The following GPBP1 variants were observed in gnomAD, a reference collection of about 807,000 sequenced individuals.
GPBP1 encodes the protein vasculin.
In GPBP1, 13 loss-of-function variants were observed where a neutral mutation model predicts 56.5. The observed-to-expected ratio is 0.23, with a 90% CI of 0.15 to 0.37. The LOEUF is 0.37. Among genes scored for constraint, GPBP1 ranks in the 10% least tolerant of loss-of-function variants. The pLI, the probability that GPBP1 is intolerant of heterozygous loss-of-function variation, is 1.00. For synonymous variants in GPBP1, 204 were observed against 188.9 expected (o/e 1.08, Z -0.66); for missense variants, 477 against 572.3 (o/e 0.83, Z 1.70).
At chr5:57,182,966 A>G (rs992006033) in intron 2 of GPBP1, among the ~76,000 whole-genome samples, 1 of 152,228 alleles carries the variant, frequency 6.6e-6, no homozygotes, top group Non-Finnish European at 1.5e-5. Context: ...TACAGGCATG[A>G]GCCACTGCGT....
chr5:57,240,506 A>G (rs1341141680), intron 6 of GPBP1, among the ~76,000 whole-genome samples: 6 of 152,222 alleles, frequency 3.9e-5, no homozygotes, highest in Admixed American at 1.3e-4. Flanking sequence ...TGCCACAGGA[A>G]CAATTTCCAT....
At chr5:57,234,983 CAT>C (rs1019947222) in intron 5 of GPBP1, among the ~76,000 whole-genome samples, 13 of 151,994 alleles carry the variant, frequency 8.6e-5, no homozygotes, top group East Asian at 1.9e-4. Context: ...AGATAATAAA[CAT>C]GTGTTGCTAT....
chr5:57,263,024 T>C lies in GPBP1; in HGVS notation c.*272T>C, dbSNP rs1234462645. 1 of 280,058 alleles carries C rather than the reference T, an allele frequency of 3.6e-6. No homozygotes were observed. The highest frequency in any genetic ancestry group is 2.2e-5 in the African/African-American group (1 of 45,726). The allele number at this position is 280,058 out of a possible 1,614,324, so 17.3% of individuals were successfully genotyped here. A position where few individuals can be genotyped will look rare whatever the true frequency, so the allele number is the denominator to read the frequency against. On this transcript the variant is annotated 3_prime_UTR_variant, in exon 12 of 12. Coordinates refer to ENST00000506184, the MANE Select transcript of GPBP1 (RefSeq NM_022913.4). The stretch of plus-strand genomic sequence containing the variant: ...TGCAACATTTCTCTGACTAGCAATG[T>C]GACGATGTAACAAATGAGATTTTCT...
At chr5:57,252,438 C>T (rs1468147312) in intron 10 of GPBP1, among the ~76,000 whole-genome samples, 4 of 152,080 alleles carry the variant, frequency 2.6e-5, no homozygotes, top group African/African-American at 4.8e-5. Flanking sequence ...TCACCCAGGC[C>T]GGAGTGCAGT....
At chr5:57,258,603 G>A (rs539220824) in intron 10 of GPBP1, among the ~76,000 whole-genome samples, 2 of 152,254 alleles carry the variant, frequency 1.3e-5, no homozygotes, top group Middle Eastern at 3.4e-3. Context: ...GCACATGTTT[G>A]TATGTTTAGG....
intron 2 of GPBP1, among the ~76,000 whole-genome samples, chr5:57,213,042 A>C (rs1755557486): frequency 6.6e-6 from 1 of 150,910 alleles, no homozygotes; most frequent in South Asian, 2.1e-4. Flanking sequence ...TAAAGATTTG[A>C]GTATATGTCT....
chr5:57,237,333 A>G, intron 6 of GPBP1: 3 of 631,694 alleles, frequency 4.7e-6, no homozygotes, highest in South Asian at 1.9e-5. Flanking sequence ...AGCGTTTGTC[A>G]TATAAAACTA....
chr5:57,206,649 C>T (rs1292443889), intron 2 of GPBP1, among the ~76,000 whole-genome samples: 1 of 152,214 alleles, frequency 6.6e-6, no homozygotes, highest in Non-Finnish European at 1.5e-5. Context: ...GCTGGAATTA[C>T]AGGCGTGAGC....
At chr5:57,251,953 C>A (rs1741412551) in intron 10 of GPBP1, among the ~76,000 whole-genome samples, 1 of 152,154 alleles carries the variant, frequency 6.6e-6, no homozygotes, top group South Asian at 2.1e-4. Context: ...GGCCATTTAT[C>A]CTCTTAGGAG....
chr5:57,259,459 A>G (rs1044823251), intron 10 of GPBP1, among the ~76,000 whole-genome samples: 2 of 152,206 alleles, frequency 1.3e-5, no homozygotes, highest in East Asian at 1.9e-4. Context: ...GATAAAAACT[A>G]TTAACTCTGT....
chr5:57,233,029 A>T (rs1756525162), intron 5 of GPBP1, among the ~76,000 whole-genome samples: 1 of 152,182 alleles, frequency 6.6e-6, no homozygotes, highest in South Asian at 2.1e-4. Flanking sequence ...ATTTTGGTTT[A>T]ATTACAAGGT....
rs141805037 is a variant in GPBP1 at position 57,176,613 on chromosome 5, C to G, written c.-58+213C>G. On this transcript the variant is annotated intron_variant, in intron 2 of 11. Coordinates refer to ENST00000506184, the MANE Select transcript of GPBP1 (RefSeq NM_022913.4). ...TTAAGGCTTAGGAACTTTTCAGATT[C>G]AAACAGTCCTAAGCTACAAGTTTTT... Among the ~76,000 whole-genome samples, 702 of 152,294 alleles carry G rather than the reference C, an allele frequency of 4.6e-3. 8 individuals carry two copies. Among genetic ancestry groups the G allele is most frequent in the African/African-American group, 0.016 (662 of 41,574 alleles).
At chr5:57,225,619 T>C (rs1756153369) in intron 3 of GPBP1, among the ~76,000 whole-genome samples, 2 of 151,978 alleles carry the variant, frequency 1.3e-5, no homozygotes, top group African/African-American at 4.8e-5. Context: ...ACCAATTTCA[T>C]GGCTGTGGAG....
chr5:57,237,144 C>G, intron 6 of GPBP1: 1 of 1,549,622 alleles, frequency 6.5e-7, no homozygotes, highest in African/African-American at 1.4e-5. Flanking sequence ...CATACCCAAC[C>G]AAAAAAATCT....
At chr5:57,210,245 TA>T (rs1452048161) in intron 2 of GPBP1, among the ~76,000 whole-genome samples, 1 of 152,246 alleles carries the variant, frequency 6.6e-6, no homozygotes, top group Non-Finnish European at 1.5e-5. Flanking sequence ...ACTTAGGTTT[TA>T]TTTTTTTCAG....
In GPBP1 at chr5:57,202,591, AT is replaced by A. The variant is rs546232314; in HGVS notation, c.-57-11473del. 7.7e-3 allele frequency among the ~76,000 whole-genome samples: 1,163 copies of A among 150,240 alleles called. 7 individuals are homozygous for A. Among genetic ancestry groups the A allele is most frequent in the African/African-American group, 0.013 (540 of 41,072 alleles). On this transcript the variant is annotated intron_variant, in intron 2 of 11. Transcript: ENST00000506184. The stretch of plus-strand genomic sequence containing the variant: ...GGCATGAGCCACCGTGCCCAGCAGC[AT>A]TTTTTTTTTAAAAAGCTTATCTATC...
At chr5:57,235,476 C>G (rs896547319) in intron 5 of GPBP1, among the ~76,000 whole-genome samples, 1 of 151,608 alleles carries the variant, frequency 6.6e-6, no homozygotes, top group East Asian at 1.9e-4. Flanking sequence ...AAGAGAATGG[C>G]TACTCCATAG....
chr5:57,195,185 A>C (rs1010839070), intron 2 of GPBP1, among the ~76,000 whole-genome samples: 5 of 151,934 alleles, frequency 3.3e-5, no homozygotes, highest in African/African-American at 9.7e-5. Context: ...TTTTTGAGAC[A>C]GGGTTTATTG....
At chr5:57,243,150 C>T (rs1364993809) in intron 6 of GPBP1, among the ~76,000 whole-genome samples, 1 of 151,962 alleles carries the variant, frequency 6.6e-6, no homozygotes, top group Non-Finnish European at 1.5e-5. Context: ...TCACTGCAAC[C>T]TCCACCTCCC....
Sources: allele counts gnomAD v4.1 joint callset (sites outside exome capture counted in the v4.1 genomes callset), GRCh38; gene constraint gnomAD v4.1.1; transcripts MANE v1.5; gene names NCBI Gene and HGNC (gene_info 2026-07-23, HGNC 2026-07-21).